LAMA3: variants seen among roughly 807,000 people sequenced by gnomAD.
LAMA3 encodes laminin subunit alpha-3.
Under a neutral mutation model 402.0 loss-of-function variants are expected in LAMA3, and 281 were observed. The observed-to-expected ratio is 0.70, with a 90% CI of 0.63 to 0.77. The LOEUF (loss-of-function observed/expected upper bound fraction) is 0.77. LAMA3 is among the 30% of genes least tolerant of loss of function. The pLI, the probability that LAMA3 is intolerant of heterozygous loss-of-function variation, is 0.00. For missense variants in LAMA3, 3,840 were observed against 4,215.5 expected, an observed-to-expected ratio of 0.91 and a Z score of 2.47; for synonymous variants, 1,431 against 1,558.4, an observed-to-expected ratio of 0.92 and a Z score of 1.93.
chr18:23,905,393 C>A, intron 51 of LAMA3, 129 bp from the exon 52 acceptor site: 1 of 634,098 alleles, frequency 1.6e-6, no homozygotes, highest in Non-Finnish European at 2.9e-6. Context: ...AGGGAACAAT[C>A]TAGTTATAAC....
Position 23,902,089 on chromosome 18 carries a change from A to T in LAMA3, c.6201+766A>T, listed in dbSNP as rs531397797. Among the ~76,000 whole-genome samples, 658 of 152,344 alleles carry T rather than the reference A, an allele frequency of 4.3e-3. 4 individuals carry two copies. Among genetic ancestry groups the T allele is most frequent in the African/African-American group, 0.015 (622 of 41,590 alleles). The stretch of plus-strand genomic sequence containing the variant: ...TGTAATCCTAACACTTTGAGAGGCC[A>T]AGGCAAGAGGATTGCTTGGGCCCAG... On this transcript the variant is annotated intron_variant, in intron 48 of 74. Transcript: ENST00000313654.
intron 31 of LAMA3, among the ~76,000 whole-genome samples, chr18:23,847,208 A>G (rs568354547): frequency 1.3e-5 from 2 of 152,288 alleles, no homozygotes; most frequent in Admixed American, 6.5e-5. Flanking sequence ...GCCCCATATG[A>G]GTGGCACACA....
intron 38 of LAMA3, among the ~76,000 whole-genome samples, chr18:23,875,827 A>C (rs1287410244): frequency 1.3e-5 from 2 of 152,052 alleles, no homozygotes; most frequent in African/African-American, 4.8e-5. Context: ...CCCTCAAAAC[A>C]GTTGTGAGAA....
Position 23,839,955 on chromosome 18 carries a change from G to A in LAMA3, c.3336+26G>A, listed in dbSNP as rs754945083. Reference sequence around the variant, plus strand: ...GTAGTGTGCTGTTTCTAAACCAGTGGTTCTCAAAGTATGACCTCTGAAGCA... The same window carrying A: ...GTAGTGTGCTGTTTCTAAACCAGTGATTCTCAAAGTATGACCTCTGAAGCA... On this transcript the variant is annotated intron_variant, in intron 27 of 74. Transcript: ENST00000313654. This position sits in a 1 kb window ranked among gnomAD's most constrained non-coding sequence, Gnocchi z 4.5. 2.4e-5 allele frequency: 39 copies of A among 1,613,218 alleles called. No homozygotes were observed. The highest frequency in any genetic ancestry group is 1.2e-4 in the Admixed American group (7 of 60,002).
rs1239764740 is a variant in LAMA3, at chr18:23,867,694, CCAGT to C, written c.4684-135_4684-132del. 5 of 725,822 alleles carry C rather than the reference CCAGT, an allele frequency of 6.9e-6. No homozygotes were observed. The African/African-American group carries it at 8.6e-5, about 13-fold the overall frequency. 45.0% of individuals were successfully genotyped at this position (725,822 alleles called of 1,614,324 possible). A position where few individuals can be genotyped will look rare whatever the true frequency, so the allele number is the denominator to read the frequency against. On this transcript the variant is annotated intron_variant, in intron 36 of 74. Coordinates refer to ENST00000313654, the MANE Select transcript of LAMA3 (RefSeq NM_198129.4). ...TGTTTCCATGTCACTAATATTTTTA[CCAGT>C]CAGTTAATTCTGAACTATTTTTTTA...
Position 23,904,015 on chromosome 18 carries a change from G to A in LAMA3, c.6401G>A (p.Gly2134Asp). The part of the protein sequence containing the change: ...DKVRELSRSA[G>D]KTSLVEEAEK... ...GTAAGAGAACTTTCCAGATCTGCTG[G>A]CAAAACATCCCTTGTGGAGGAGGCA... The change falls in exon 50 of 75, where the codon GGC becomes GAC. Residue 2134 changes from glycine to aspartate, a missense_variant. This residue lies in a region of LAMA3 where 891 missense variants were observed against 857.5 expected (regional missense o/e 1.04). Coordinates refer to ENST00000313654, the MANE Select transcript of LAMA3 (RefSeq NM_198129.4). 6.2e-7 allele frequency: 1 copy of A among 1,614,142 alleles called. No individual in the cohort carries two copies. The highest frequency in any genetic ancestry group is 8.5e-7 in the Non-Finnish European group (1 of 1,180,032).
At chr18:23,842,973 C>G (rs1027063190) in intron 29 of LAMA3, among the ~76,000 whole-genome samples, 1 of 152,100 alleles carries the variant, frequency 6.6e-6, no homozygotes, top group Non-Finnish European at 1.5e-5. Context: ...TAGGCGTCGC[C>G]CCTCTCCACC....
At chr18:23,696,342 C>T (rs1301828555) in intron 1 of LAMA3, among the ~76,000 whole-genome samples, 1 of 152,286 alleles carries the variant, frequency 6.6e-6, no homozygotes, top group East Asian at 1.9e-4. Flanking sequence ...TGGGAGACTT[C>T]ATTAGGAAAA....
chr18:23,886,314 G>C (rs553225738), intron 41 of LAMA3, among the ~76,000 whole-genome samples: 2 of 152,296 alleles, frequency 1.3e-5, no homozygotes, highest in East Asian at 3.9e-4. Context: ...TACCACAATG[G>C]ATATTGGAAA....
intron 8 of LAMA3, among the ~76,000 whole-genome samples, chr18:23,771,603 T>G (rs994801161): frequency 6.6e-6 from 1 of 152,382 alleles, no homozygotes; most frequent in East Asian, 1.9e-4. Context: ...AAACAAATAC[T>G]GAATTCCAGC....
chr18:23,908,380 A>G (rs1446532389), intron 54 of LAMA3, among the ~76,000 whole-genome samples: 1 of 151,660 alleles, frequency 6.6e-6, no homozygotes, highest in Non-Finnish European at 1.5e-5. Context: ...AATACAAAAA[A>G]TTAGCCAGGC....
chr18:23,945,702 T>A (rs374541859), intron 69 of LAMA3, among the ~76,000 whole-genome samples: 11 of 152,272 alleles, frequency 7.2e-5, no homozygotes, highest in South Asian at 4.1e-4. Flanking sequence ...ACACTCCTCT[T>A]GTTTGAAGAG....
intron 60 of LAMA3, among the ~76,000 whole-genome samples, chr18:23,917,337 G>T (rs1227637678): frequency 6.6e-6 from 1 of 152,176 alleles, no homozygotes; most frequent in Non-Finnish European, 1.5e-5. Context: ...ACATTGGCGT[G>T]CATTTGTCTT....
At chr18:23,896,863 G>A (rs1356726933) in intron 44 of LAMA3, among the ~76,000 whole-genome samples, 3 of 152,246 alleles carry the variant, frequency 2.0e-5, no homozygotes, top group South Asian at 4.2e-4. Context: ...GTGGTGATAA[G>A]CATAAGAGCA....
rs753110722 is a variant in LAMA3 at position 23,928,629 on chromosome 18, T to C, written c.8300T>C (p.Val2767Ala). The C allele has an allele frequency of 6.1e-5, 98 of 1,613,988 alleles. No homozygotes were observed. Among genetic ancestry groups the C allele is most frequent in the Non-Finnish European group, 7.5e-5 (89 of 1,179,932 alleles). Reference protein sequence around the residue: ...TKKCSEDWKLVRSASFSRGGQ... With the variant: ...TKKCSEDWKLARSASFSRGGQ... Reference sequence around the variant, plus strand: ...TATTCCATGTTTGCATTTCAGCTTGTGCGATCTGCCTCATTCTCCAGAGGA... The same window carrying C: ...TATTCCATGTTTGCATTTCAGCTTGCGCGATCTGCCTCATTCTCCAGAGGA... The change falls in exon 64 of 75, where the codon GTG becomes GCG. Residue 2767 changes from valine (V) to alanine (A), a missense_variant. Around this residue, in one of 3 missense-constraint regions of LAMA3, gnomAD observed 840 missense variants for 981.9 expected, o/e 0.86. Transcript: ENST00000313654.
chr18:23,760,357 G>A (rs2061943661), intron 7 of LAMA3, among the ~76,000 whole-genome samples: 1 of 151,864 alleles, frequency 6.6e-6, no homozygotes, highest in African/African-American at 2.4e-5. Context: ...TTAAAATCAT[G>A]GCACCACAGA....
chr18:23,904,408 T>G lies in LAMA3; in HGVS notation c.6474-145T>G, dbSNP rs79554676. ...TGGCAGACAGAGAGAGACTCTGCCA[T>G]CTCTTTATTTTATTTTGTTTTTTTC... On this transcript the variant is annotated intron_variant, in intron 50 of 74. Transcript: ENST00000313654. 8.0e-4 allele frequency: 789 copies of G among 987,690 alleles called. 10 individuals carry two copies. The East Asian group carries it at 0.018, about 23-fold the overall frequency. 61.2% of individuals were successfully genotyped at this position (987,690 alleles called of 1,614,324 possible). A position where few individuals can be genotyped will look rare whatever the true frequency, so the allele number is the denominator to read the frequency against.
chr18:23,863,301 T>G (rs1400882689), intron 35 of LAMA3, among the ~76,000 whole-genome samples: 1 of 152,102 alleles, frequency 6.6e-6, no homozygotes, highest in Non-Finnish European at 1.5e-5. Flanking sequence ...AAAAATTAGC[T>G]GGGCATGGCG....
At chr18:23,759,695 T>A (rs944107622) in intron 7 of LAMA3, among the ~76,000 whole-genome samples, 1 of 152,170 alleles carries the variant, frequency 6.6e-6, no homozygotes, top group Non-Finnish European at 1.5e-5. Context: ...GACTTTATAC[T>A]TTTTGACCAA....
Sources: allele counts gnomAD v4.1 joint callset (sites outside exome capture counted in the v4.1 genomes callset), GRCh38; gene constraint gnomAD v4.1.1; regional missense constraint gnomAD v4.1.1; non-coding constraint Gnocchi (gnomAD v3.1); transcripts MANE v1.5; gene names NCBI Gene and HGNC (gene_info 2026-07-23, HGNC 2026-07-21).